The following UGT1A9 variants were observed in gnomAD, a reference collection of about 807,000 sequenced individuals.
The protein encoded by UGT1A9 is UDP glucuronosyltransferase family 1 member A9.
Under a neutral mutation model 45.0 loss-of-function variants are expected in UGT1A9, and 35 were observed. That is an observed-to-expected ratio of 0.78 (90% CI 0.59 to 1.03). The LOEUF (loss-of-function observed/expected upper bound fraction) is 1.03, where lower values mean the gene tolerates loss of function less well. Among genes scored for constraint, UGT1A9 ranks in the 50% least tolerant of loss-of-function variants. The probability of loss-of-function intolerance (pLI) is 0.00; values close to 1 mark genes in which losing one functional copy is unlikely to be tolerated. For synonymous variants in UGT1A9, 278 were observed against 250.6 expected, an observed-to-expected ratio of 1.11 and a Z score of -1.03; for missense variants, 687 against 666.6, an observed-to-expected ratio of 1.03 and a Z score of -0.34.
intron 1 of UGT1A9, chr2:233,747,635 G>C: frequency 7.6e-6 from 12 of 1,581,768 alleles, no homozygotes; most frequent in Non-Finnish European, 1.0e-5. Context: ...TCAGGCACCT[G>C]AATGCTACTT....
At chr2:233,699,885 G>A (rs2075529887) in intron 1 of UGT1A9, among the ~76,000 whole-genome samples, 1 of 152,260 alleles carries the variant, frequency 6.6e-6, no homozygotes, top group South Asian at 2.1e-4. Flanking sequence ...TGTTGCAATT[G>A]GAGAGGCGAA....
chr2:233,690,446 T>G, intron 1 of UGT1A9: 3 of 1,286,108 alleles, frequency 2.3e-6, no homozygotes, highest in Non-Finnish European at 3.0e-6. Flanking sequence ...CTCTCCTCTA[T>G]TCAAAATGCC....
At chr2:233,728,395 C>A (rs989594953) in intron 1 of UGT1A9, among the ~76,000 whole-genome samples, 4 of 152,120 alleles carry the variant, frequency 2.6e-5, no homozygotes, top group Non-Finnish European at 4.4e-5. Context: ...GTTGTCTTGC[C>A]CATGTGTGCT....
At chr2:233,748,883 A>T (rs1047977403) in intron 1 of UGT1A9, among the ~76,000 whole-genome samples, 3 of 151,568 alleles carry the variant, frequency 2.0e-5, no homozygotes, top group African/African-American at 7.3e-5. Context: ...TGATGAATGG[A>T]CATGTGTCCA....
intron 1 of UGT1A9, among the ~76,000 whole-genome samples, chr2:233,758,268 G>A (rs1000936353): frequency 2.6e-5 from 4 of 152,178 alleles, no homozygotes; most frequent in Non-Finnish European, 5.9e-5. Flanking sequence ...AGTATTTCTT[G>A]GTCAAGGGCA....
At chr2:233,693,697 A>T (rs1427755999) in intron 1 of UGT1A9, 1 of 1,614,050 alleles carries the variant, frequency 6.2e-7, no homozygotes, top group Admixed American at 1.7e-5. Flanking sequence ...AGTATGAAGA[A>T]CTCGCATCAG....
chr2:233,767,071 G>T lies in UGT1A9; in HGVS notation c.893G>T (p.Gly298Val). 6.2e-7 allele frequency: 1 copy of T among 1,614,098 alleles called. No homozygotes were observed. ...TACATTAATGCTTCTGGAGAACATG[G>T]AATTGTGGTTTTCTCTTTGGGATCA... ...EAYINASGEH[G>V]IVVFSLGSMV... The change falls in exon 2 of 5, where the codon GGA becomes GTA. Residue 298 changes from glycine (G) to valine (V), a missense_variant. Gly to Val is a moderately radical substitution (Grantham distance 109). Coordinates refer to ENST00000354728, the MANE Select transcript of UGT1A9 (RefSeq NM_021027.3).
chr2:233,690,396 T>C lies in UGT1A9; in HGVS notation c.855+17607T>C, dbSNP rs576943565. 5.3e-6 allele frequency: 6 copies of C among 1,133,506 alleles called. No individual in the cohort carries two copies. In the South Asian group the frequency reaches 8.5e-5, roughly 16 times the overall value. 70.2% of individuals were successfully genotyped at this position (1,133,506 alleles called of 1,614,324 possible). A position where few individuals can be genotyped will look rare whatever the true frequency, so the allele number is the denominator to read the frequency against. On this transcript the variant is annotated intron_variant, in intron 1 of 4. Transcript: ENST00000354728. Reference sequence around the variant, plus strand: ...TAGGGTCCACGTTTCCAGACCTTCCTATTCCCAACATGAAATTACCTTCAT... The same window carrying C: ...TAGGGTCCACGTTTCCAGACCTTCCCATTCCCAACATGAAATTACCTTCAT...
At chr2:233,685,553 A>G (rs1031439132) in intron 1 of UGT1A9, among the ~76,000 whole-genome samples, 1 of 152,206 alleles carries the variant, frequency 6.6e-6, no homozygotes, top group Non-Finnish European at 1.5e-5. Flanking sequence ...TTTTTGATCC[A>G]AATTCAAATT....
intron 1 of UGT1A9, chr2:233,747,968 A>G: frequency 6.2e-7 from 1 of 1,613,402 alleles, no homozygotes; most frequent in African/African-American, 1.3e-5. Context: ...TCAGCCATGC[A>G]TCTGTGTGGC....
chr2:233,695,432 CTTCT>C (rs1351238624), intron 1 of UGT1A9, among the ~76,000 whole-genome samples: 3 of 151,108 alleles, frequency 2.0e-5, no homozygotes, highest in Non-Finnish European at 1.5e-5. Flanking sequence ...CCTTCTTCTT[CTTCT>C]TTTTTTTTTG....
At chr2:233,728,892 C>T (rs781127697) in intron 1 of UGT1A9, among the ~76,000 whole-genome samples, 15 of 152,110 alleles carry the variant, frequency 9.9e-5, no homozygotes, top group Non-Finnish European at 2.2e-4. Context: ...CCAGAGTGAG[C>T]ACAGGGTCAG....
intron 3 of UGT1A9, 36 bp from the exon 4 acceptor site, chr2:233,768,184 T>A: frequency 6.2e-7 from 1 of 1,614,044 alleles, no homozygotes; most frequent in Non-Finnish European, 8.5e-7. Flanking sequence ...AACTCAGAGA[T>A]GTAACTGCTG....
At chr2:233,719,251 C>A in intron 1 of UGT1A9, 1 of 1,614,174 alleles carries the variant, frequency 6.2e-7, no homozygotes, top group Non-Finnish European at 8.5e-7. Flanking sequence ...CTGAATGCTA[C>A]TTCCTTTGAT....
At chr2:233,722,224 A>G (rs2077000987) in intron 1 of UGT1A9, among the ~76,000 whole-genome samples, 1 of 152,140 alleles carries the variant, frequency 6.6e-6, no homozygotes, top group Non-Finnish European at 1.5e-5. Context: ...TTACACCAAA[A>G]TCTTTATCAT....
intron 1 of UGT1A9, chr2:233,693,443 C>T: frequency 1.2e-6 from 2 of 1,614,134 alleles, no homozygotes; most frequent in Admixed American, 1.7e-5. Flanking sequence ...GTTTGATGCT[C>T]TTTTCACAGA....
intron 1 of UGT1A9, among the ~76,000 whole-genome samples, chr2:233,724,763 C>T (rs1463546601): frequency 2.8e-5 from 4 of 143,224 alleles, no homozygotes; most frequent in African/African-American, 8.0e-5. Context: ...GATGGGCGGC[C>T]AGGCAGAGAC....
At chr2:233,715,625 A>T (rs2076461425) in intron 1 of UGT1A9, among the ~76,000 whole-genome samples, 1 of 152,080 alleles carries the variant, frequency 6.6e-6, no homozygotes, top group Admixed American at 6.6e-5. Context: ...TTAAAAAATT[A>T]TCCAGGTGTG....
chr2:233,732,384 C>T (rs1031988593), intron 1 of UGT1A9, among the ~76,000 whole-genome samples: 4 of 152,258 alleles, frequency 2.6e-5, no homozygotes, highest in Middle Eastern at 3.4e-3. Flanking sequence ...GTCTTCTAGG[C>T]CATGCCTATG....
Sources: allele counts gnomAD v4.1 joint callset (sites outside exome capture counted in the v4.1 genomes callset), GRCh38; gene constraint gnomAD v4.1.1; transcripts MANE v1.5; gene names NCBI Gene and HGNC (gene_info 2026-07-23, HGNC 2026-07-21).